Variants in CACNA1C observed in about 807,000 individuals in gnomAD.
The protein encoded by CACNA1C is calcium voltage-gated channel subunit alpha1 C, also known as voltage-dependent L-type calcium channel subunit alpha-1C.
CACNA1C carries 30 observed loss-of-function variants against 229.0 expected under a neutral mutation model. That is an observed-to-expected ratio of 0.13 (90% CI 0.10 to 0.18). The LOEUF (loss-of-function observed/expected upper bound fraction) is 0.18, where lower values mean the gene tolerates loss of function less well. CACNA1C is among the 10% of genes least tolerant of loss of function. The pLI, the probability that CACNA1C is intolerant of heterozygous loss-of-function variation, is 1.00. For missense variants in CACNA1C, 1,658 were observed against 2,845.0 expected, an observed-to-expected ratio of 0.58 and a Z score of 9.49; for synonymous variants, 1,114 against 1,132.5, an observed-to-expected ratio of 0.98 and a Z score of 0.33.
chr12:2,513,744 G>A (rs1222329912), intron 9 of CACNA1C, among the ~76,000 whole-genome samples: 7 of 152,166 alleles, frequency 4.6e-5, no homozygotes, highest in East Asian at 3.9e-4. Flanking sequence ...GACCAGCAGC[G>A]TCAGCATTAC....
chr12:2,149,573 CA>C (rs768372908), intron 3 of CACNA1C, among the ~76,000 whole-genome samples: 15 of 152,180 alleles, frequency 9.9e-5, no homozygotes, highest in Non-Finnish European at 1.8e-4. Context: ...TGGTTTTCAA[CA>C]GTATCTTATT....
At chr12:2,265,334 C>T (rs1319349610) in intron 3 of CACNA1C, among the ~76,000 whole-genome samples, 1 of 152,228 alleles carries the variant, frequency 6.6e-6, no homozygotes, top group Admixed American at 6.5e-5. Context: ...TGTTCCACTC[C>T]TGTTTCAGGG....
chr12:2,079,957 G>A (rs1268730313), intron 1 of CACNA1C, among the ~76,000 whole-genome samples: 1 of 152,168 alleles, frequency 6.6e-6, no homozygotes, highest in Non-Finnish European at 1.5e-5. Context: ...AATTTGAGGA[G>A]AATATAAAAT....
chr12:2,476,841 C>G (rs1405171488), intron 5 of CACNA1C, among the ~76,000 whole-genome samples: 1 of 152,154 alleles, frequency 6.6e-6, no homozygotes, highest in African/African-American at 2.4e-5. Context: ...ATGAAAATCT[C>G]TAATGAATAA....
chr12:2,552,848 C>G (rs552056396), intron 10 of CACNA1C, among the ~76,000 whole-genome samples: 4 of 152,140 alleles, frequency 2.6e-5, no homozygotes, highest in African/African-American at 9.6e-5. Flanking sequence ...AAGATGGGAG[C>G]ATGTGAAGAG....
intron 1 of CACNA1C, among the ~76,000 whole-genome samples, chr12:2,047,547 C>A (rs7301484): frequency 0.1 from 15,399 of 152,214 alleles, 1,412 homozygotes; most frequent in East Asian, 0.47. Flanking sequence ...TATCATAGCA[C>A]CTGATACTCA....
rs1416584355 is a variant in CACNA1C, at chr12:2,597,557, G to C, written c.2853+268G>C. On this transcript the variant is annotated intron_variant, in intron 21 of 46. Coordinates refer to ENST00000399655, the MANE Select transcript of CACNA1C (RefSeq NM_000719.7). The surrounding 1 kb of genome is among the most constrained non-coding windows in gnomAD (Gnocchi z 4.3). ...TCTTTGTCTATCTCTGCTCTGTGTG[G>C]CTGGATCTTTTGTCTTTTCTGTTTC... 9.4e-7 allele frequency: 1 copy of C among 1,066,424 alleles called. No homozygotes were observed. The highest frequency in any genetic ancestry group is 2.4e-5 in the East Asian group (1 of 42,354). 66.1% of individuals were successfully genotyped at this position (1,066,424 alleles called of 1,614,324 possible). A position where few individuals can be genotyped will look rare whatever the true frequency, so the allele number is the denominator to read the frequency against.
chr12:2,375,463 A>G (rs2098024056), intron 3 of CACNA1C, among the ~76,000 whole-genome samples: 1 of 152,204 alleles, frequency 6.6e-6, no homozygotes, highest in Admixed American at 6.5e-5. Flanking sequence ...CTTAAGTCTT[A>G]GCTCTCTGAA....
intron 3 of CACNA1C, among the ~76,000 whole-genome samples, chr12:2,125,518 G>A (rs2089648300): frequency 6.6e-6 from 1 of 152,020 alleles, no homozygotes; most frequent in Admixed American, 6.5e-5. Flanking sequence ...AAAGAATTGC[G>A]ATTTCAGAGC....
chr12:2,594,892 A>G (rs1157602174), intron 19 of CACNA1C, among the ~76,000 whole-genome samples: 3 of 152,214 alleles, frequency 2.0e-5, no homozygotes, highest in African/African-American at 7.2e-5. Context: ...CCACCTCAAG[A>G]CTGGCTTAAC....
chr12:2,583,028 G>C (rs193217953), intron 15 of CACNA1C, 86 bp downstream of exon 15: 3 of 977,342 alleles, frequency 3.1e-6, no homozygotes, highest in South Asian at 1.5e-5. Flanking sequence ...CCTCAGGTCC[G>C]GGCGGTCCTG....
intron 5 of CACNA1C, among the ~76,000 whole-genome samples, chr12:2,469,779 T>A (rs1018864095): frequency 5.9e-5 from 9 of 152,282 alleles, no homozygotes; most frequent in East Asian, 3.9e-4. Context: ...GAAATACTTT[T>A]AAAAAAATAA....
At chr12:2,461,552 C>G (rs2099502521) in intron 5 of CACNA1C, among the ~76,000 whole-genome samples, 1 of 152,056 alleles carries the variant, frequency 6.6e-6, no homozygotes, top group Admixed American at 6.5e-5. Context: ...GACCTTTTTT[C>G]CAAACCTCAG....
chr12:2,034,728 A>G lies in CACNA1C; in HGVS notation c.139+63527A>G, dbSNP rs1433956681. Among the ~76,000 whole-genome samples, 1 of 152,182 alleles carries G rather than the reference A, an allele frequency of 6.6e-6. No homozygotes were observed. The highest frequency in any genetic ancestry group is 2.4e-5 in the African/African-American group (1 of 41,446). ...ATTCATGTATGTACTCACTTCTTCA[A>G]AAAACACCTTTCGGAGTGCCTCCTT... On this transcript the variant is annotated intron_variant, in intron 1 of 46. Transcript: ENST00000682462. The surrounding 1 kb of genome is among the most constrained non-coding windows in gnomAD (Gnocchi z 4.1).
chr12:2,550,689 AC>A lies in CACNA1C; in HGVS notation c.1481+658del, dbSNP rs531752314. Reference sequence around the variant, plus strand: ...GTACAATGCATTTCTGAATTGCTCCACCTGGGGGGCGGGGCAGGGCGGCATC... The same window carrying A: ...GTACAATGCATTTCTGAATTGCTCCACTGGGGGGCGGGGCAGGGCGGCATC... On this transcript the variant is annotated intron_variant, in intron 10 of 46. Coordinates refer to ENST00000399655, the MANE Select transcript of CACNA1C (RefSeq NM_000719.7). 1.0e-4 allele frequency: 139 copies of A among 1,325,202 alleles called. No individual in the cohort carries two copies. The African/African-American group carries it at 1.9e-3, about 18-fold the overall frequency. The allele number at this position is 1,325,202 out of a possible 1,614,324, so 82.1% of individuals were successfully genotyped here.
chr12:2,211,515 C>T (rs995041297), intron 3 of CACNA1C, among the ~76,000 whole-genome samples: 2 of 152,324 alleles, frequency 1.3e-5, no homozygotes, highest in South Asian at 4.1e-4. Flanking sequence ...GCCTCTTTAA[C>T]TCTAGCAGCC....
intron 3 of CACNA1C, among the ~76,000 whole-genome samples, chr12:2,366,242 A>G (rs1447033631): frequency 6.6e-6 from 1 of 152,238 alleles, no homozygotes; most frequent in Non-Finnish European, 1.5e-5. Flanking sequence ...TTCACTGAAC[A>G]GGTGTGATTT....
chr12:2,612,690 C>T (rs2078413456), intron 29 of CACNA1C: 1 of 152,274 alleles, frequency 6.6e-6, no homozygotes, highest in South Asian at 2.1e-4. Flanking sequence ...TTCTTTGGAT[C>T]ATCTGTGCCC....
At chr12:2,445,371 T>G (rs928636323) in intron 3 of CACNA1C, among the ~76,000 whole-genome samples, 1 of 152,194 alleles carries the variant, frequency 6.6e-6, no homozygotes, top group Non-Finnish European at 1.5e-5. Context: ...GACTTTTTCC[T>G]CAAGTCTCCA....
Sources: allele counts gnomAD v4.1 joint callset (sites outside exome capture counted in the v4.1 genomes callset), GRCh38; gene constraint gnomAD v4.1.1; non-coding constraint Gnocchi (gnomAD v3.1); transcripts MANE v1.5; gene names NCBI Gene and HGNC (gene_info 2026-07-23, HGNC 2026-07-21).